The following RFC1 variants were observed in gnomAD, a reference collection of about 807,000 sequenced individuals.
RFC1 encodes replication factor C subunit 1.
Under a neutral mutation model 137.4 loss-of-function variants are expected in RFC1, and 37 were observed. The ratio of observed to expected loss-of-function variants is 0.27; its 90% CI spans 0.21 to 0.35. RFC1 has a LOEUF of 0.35. Ranked by LOEUF, RFC1 falls within the 10% of genes least tolerant of loss-of-function variation. The pLI is 1.00. For synonymous variants in RFC1, 429 were observed against 455.7 expected, an observed-to-expected ratio of 0.94 and a Z score of 0.75; for missense variants, 1,205 against 1,358.5, an observed-to-expected ratio of 0.89 and a Z score of 1.78.
chr4:39,359,238 C>G (rs1741628783), intron 1 of RFC1, among the ~76,000 whole-genome samples: 1 of 152,168 alleles, frequency 6.6e-6, no homozygotes, highest in Admixed American at 6.5e-5. Flanking sequence ...CTTTTGTTTA[C>G]TTAACACAAC....
chr4:39,302,733 A>G lies in RFC1; in HGVS notation c.2340+4T>C. On this transcript the variant is annotated splice_donor_region_variant and intron_variant, in intron 17 of 24. Coordinates refer to ENST00000349703, the MANE Select transcript of RFC1 (RefSeq NM_002913.5). ...TGATGGAAAAAAAATTTCAATCATC[A>G]TACCTTAATCTGTTCAACCCGAGGT... 2 of 1,566,820 alleles carry G rather than the reference A, an allele frequency of 1.3e-6. No homozygotes were observed. Among genetic ancestry groups the G allele is most frequent in the Non-Finnish European group, 1.7e-6 (2 of 1,163,576 alleles).
intron 19 of RFC1, 111 bp from the exon 20 acceptor site, chr4:39,300,525 G>A: frequency 1.2e-6 from 1 of 801,502 alleles, no homozygotes; most frequent in Admixed American, 2.5e-5. Flanking sequence ...TTGCTGGTGG[G>A]AATGCAAAAC....
At chr4:39,324,859 A>G (rs1340171142) in intron 6 of RFC1, among the ~76,000 whole-genome samples, 2 of 152,244 alleles carry the variant, frequency 1.3e-5, no homozygotes, top group Non-Finnish European at 2.9e-5. Flanking sequence ...TAGTTGAGGT[A>G]GTCTGGGAAA....
At position 39,299,919 on chromosome 4, in the gene RFC1, ATAAAG is replaced by A. The variant is rs974994292; in HGVS notation, c.2808+97_2808+101del. 14 of 753,670 alleles carry A rather than the reference ATAAAG, an allele frequency of 1.9e-5. No individual in the cohort carries two copies. In the African/African-American group the frequency reaches 2.3e-4, roughly 12 times the overall value. 46.7% of individuals were successfully genotyped at this position (753,670 alleles called of 1,614,324 possible). A position where few individuals can be genotyped will look rare whatever the true frequency, so the allele number is the denominator to read the frequency against. ...AACAGAGCGAGACTCGATCTCAAAA[ATAAAG>A]TAAACAAAATAAAATAAAATAAGTA... On this transcript the variant is annotated intron_variant, in intron 21 of 24. Transcript: ENST00000349703.
At chr4:39,353,823 A>G (rs1405838395) in intron 1 of RFC1, among the ~76,000 whole-genome samples, 1 of 152,228 alleles carries the variant, frequency 6.6e-6, no homozygotes, top group Non-Finnish European at 1.5e-5. Flanking sequence ...GTGATAGTGC[A>G]TGTGTGCCAT....
In RFC1 at chr4:39,366,199, C is replaced by T. The variant is rs556270065; in HGVS notation, c.3+40G>A. 4 of 1,550,542 alleles carry T rather than the reference C, an allele frequency of 2.6e-6. No homozygotes were observed. The East Asian group carries it at 7.5e-5, about 29-fold the overall frequency. On this transcript the variant is annotated intron_variant, in intron 1 of 24. Transcript: ENST00000349703. ...GGTCCACACCAGGCCTGCAAAGCCC[C>T]CCCAGACCCCGAGCCGCACGGCCTC... is the stretch of plus-strand genomic sequence containing the variant.
chr4:39,315,243 C>T (rs1468005507), intron 10 of RFC1, among the ~76,000 whole-genome samples: 2 of 152,220 alleles, frequency 1.3e-5, no homozygotes, highest in Non-Finnish European at 2.9e-5. Context: ...CTTCCCTTAC[C>T]TGGAATCTTA....
intron 1 of RFC1, among the ~76,000 whole-genome samples, chr4:39,363,245 T>A (rs1024055164): frequency 6.6e-6 from 1 of 152,236 alleles, no homozygotes; most frequent in Non-Finnish European, 1.5e-5. Flanking sequence ...ATTGTCTACA[T>A]GGCTTCTTTA....
chr4:39,302,350 A>C lies in RFC1; in HGVS notation c.2463T>G (p.Cys821Trp). 6.2e-7 allele frequency: 1 copy of C among 1,613,170 alleles called. No homozygotes were observed. Among genetic ancestry groups the C allele is most frequent in the Non-Finnish European group, 8.5e-7 (1 of 1,179,112 alleles). Residue 821 changes from cysteine (C) to tryptophan (W), a missense_variant, in exon 19 of 25, where the codon TGT (cysteine) becomes TGG (tryptophan). Cys to Trp is a radical substitution (Grantham distance 215). Transcript: ENST00000349703. ...RQVLHNLSMW[C>W]ARSKALTYDQ... ...CATAGGTTAATGCTTTACTTCGTGC[A>C]CACCACATACTCAGATTATGTAAAA...
chr4:39,299,607 T>C (rs1480031063), intron 21 of RFC1, among the ~76,000 whole-genome samples: 2 of 98,006 alleles, frequency 2.0e-5, no homozygotes, highest in African/African-American at 8.5e-5. Flanking sequence ...AGCAACACTG[T>C]CTCAAAAAAA....
intron 2 of RFC1, among the ~76,000 whole-genome samples, chr4:39,345,855 G>T (rs572119890): frequency 6.6e-6 from 1 of 152,274 alleles, no homozygotes; most frequent in East Asian, 1.9e-4. Context: ...TTACTGTCAT[G>T]TAACAGGTAG....
Position 39,288,574 on chromosome 4 carries a change from T to C in RFC1, c.*187A>G. 1.8e-6 allele frequency: 1 copy of C among 559,426 alleles called. No homozygotes were observed. The highest frequency in any genetic ancestry group is 3.2e-6 in the Non-Finnish European group (1 of 311,116). 34.7% of individuals were successfully genotyped at this position (559,426 alleles called of 1,614,324 possible). On this transcript the variant is annotated 3_prime_UTR_variant, in exon 25 of 25. Transcript: ENST00000349703. ...ACCCAAGCAGTCCTATCAACCTCTA[T>C]AAGAGGTGTACATAAGCCTACTGCT...
intron 10 of RFC1, among the ~76,000 whole-genome samples, chr4:39,314,384 C>T (rs1305489057): frequency 1.3e-5 from 2 of 152,128 alleles, no homozygotes; most frequent in African/African-American, 2.4e-5. Flanking sequence ...AATTATCACC[C>T]ACTATGGCTC....
rs534212039 is a variant in RFC1, at chr4:39,349,958, C to G, written c.132+1390G>C. On this transcript the variant is annotated intron_variant, in intron 2 of 24. Transcript: ENST00000349703. Reference sequence around the variant, plus strand: ...GGCAGAGGTTGCGGTGAGCCGAGATCGTGCCATTGCACTCCAACCTGGGCA... The same window carrying G: ...GGCAGAGGTTGCGGTGAGCCGAGATGGTGCCATTGCACTCCAACCTGGGCA... Among the ~76,000 whole-genome samples, 7 of 152,196 alleles carry G rather than the reference C, an allele frequency of 4.6e-5. No individual in the cohort carries two copies. In the South Asian group the frequency reaches 1.5e-3, roughly 32 times the overall value.
intron 1 of RFC1, among the ~76,000 whole-genome samples, chr4:39,362,332 T>C (rs1375416048): frequency 6.6e-6 from 1 of 152,180 alleles, no homozygotes; most frequent in Non-Finnish European, 1.5e-5. Flanking sequence ...GGAAATGGAA[T>C]AGCCAAGACA....
chr4:39,302,078 T>C (rs1455445895), intron 19 of RFC1, among the ~76,000 whole-genome samples, 200 bp downstream of exon 19: 1 of 152,240 alleles, frequency 6.6e-6, no homozygotes, highest in Non-Finnish European at 1.5e-5. Context: ...TCTCAAAATT[T>C]ATAATTGACA....
chr4:39,302,268 T>C lies in RFC1; in HGVS notation c.2535+10A>G. 6.4e-7 allele frequency: 1 copy of C among 1,570,470 alleles called. No homozygotes were observed. Among genetic ancestry groups the C allele is most frequent in the Non-Finnish European group, 8.8e-7 (1 of 1,140,210 alleles). On this transcript the variant is annotated intron_variant, in intron 19 of 24. Coordinates refer to ENST00000349703, the MANE Select transcript of RFC1 (RefSeq NM_002913.5). ...TAGGAAAGTAACTAAGACATGGACATTTATTTTACCATTTTGATATCCTTT... is the reference window on the plus strand; with the variant it reads ...TAGGAAAGTAACTAAGACATGGACACTTATTTTACCATTTTGATATCCTTT...
At position 39,308,921 on chromosome 4, in the gene RFC1, T is replaced by C. The variant is rs745419387; in HGVS notation, c.1600A>G (p.Lys534Glu). ...ATTGTCTTTGCCAAACTGTCCCTTT[T>C]GGAAGTCGGCCTGCTCTTTTTAGAT... ...SESKKSRPTSKRDSLAKTIKK... is the reference protein window; with the variant it reads ...SESKKSRPTSERDSLAKTIKK... Residue 534 changes from lysine (K) to glutamate (E), a missense_variant, in exon 13 of 25, where the codon AAA (lysine) becomes GAA (glutamate). This residue lies in a region of RFC1 where 962 missense variants were observed against 1,035.3 expected (regional missense o/e 0.93). Coordinates refer to ENST00000349703, the MANE Select transcript of RFC1 (RefSeq NM_002913.5). The C allele has an allele frequency of 2.5e-6, 4 of 1,614,216 alleles. No individual in the cohort carries two copies. Among genetic ancestry groups the C allele is most frequent in the East Asian group, 4.5e-5 (2 of 44,890 alleles).
chr4:39,342,254 C>A, intron 4 of RFC1, 91 bp downstream of exon 4: 2 of 1,387,612 alleles, frequency 1.4e-6, no homozygotes, highest in East Asian at 2.6e-5. Context: ...GTAGAAATTC[C>A]ATTCAAAGTG....
Sources: allele counts gnomAD v4.1 joint callset (sites outside exome capture counted in the v4.1 genomes callset), GRCh38; gene constraint gnomAD v4.1.1; regional missense constraint gnomAD v4.1.1; transcripts MANE v1.5; gene names NCBI Gene and HGNC (gene_info 2026-07-23, HGNC 2026-07-21).